HNF4A: variants seen among roughly 807,000 people sequenced by gnomAD.
HNF4A encodes hepatocyte nuclear factor 4-alpha.
A neutral mutation model predicts 52.4 loss-of-function variants in HNF4A; 15 were observed. The observed-to-expected ratio is 0.29, with a 90% CI of 0.19 to 0.44. The LOEUF (loss-of-function observed/expected upper bound fraction) is 0.44. HNF4A is among the 20% of genes least tolerant of loss of function. The probability of loss-of-function intolerance (pLI) is 1.00; values close to 1 mark genes in which losing one functional copy is unlikely to be tolerated. For synonymous variants in HNF4A, 280 were observed against 264.4 expected, an observed-to-expected ratio of 1.06 and a Z score of -0.57; for missense variants, 479 against 647.2, an observed-to-expected ratio of 0.74 and a Z score of 2.82.
At chr20:44,376,350 A>G (rs896882599) in intron 1 of HNF4A, among the ~76,000 whole-genome samples, 8 of 152,212 alleles carry the variant, frequency 5.3e-5, no homozygotes, top group Non-Finnish European at 1.0e-4. Flanking sequence ...TGCAAATTGT[A>G]TGATTTTTAA....
Position 44,405,828 on chromosome 20 carries a change from A to G in HNF4A, c.116-230A>G, listed in dbSNP as rs2868095. Among the ~76,000 whole-genome samples the G allele has an allele frequency of 0.69, 104,228 of 152,076 alleles. 37,227 individuals carry two copies. The highest frequency in any genetic ancestry group is 0.97 in the East Asian group (5,021 of 5,172). ...TGGGGCTCGTGGCCTCCACCACAGG[A>G]AGACGCAGACCCTCAGAAACAAGTC... is the stretch of plus-strand genomic sequence containing the variant. On this transcript the variant is annotated intron_variant, in intron 1 of 9. Coordinates refer to ENST00000316099, the MANE Select transcript of HNF4A (RefSeq NM_000457.6).
chr20:44,400,423 C>A (rs954325237), upstream of HNF4A, among the ~76,000 whole-genome samples: 3 of 152,094 alleles, frequency 2.0e-5, no homozygotes, highest in Admixed American at 1.3e-4. Context: ...CTCAAACCAC[C>A]CTTTGAAGTT....
chr20:44,362,352 G>A (rs2062926032), intron 1 of HNF4A, among the ~76,000 whole-genome samples: 2 of 150,820 alleles, frequency 1.3e-5, no homozygotes, highest in East Asian at 3.9e-4. Context: ...CGCAGGTGGT[G>A]GAGGTTGCAG....
rs1227407354 is a variant in HNF4A, at chr20:44,388,381, A to ACCC, written c.50-17674_50-17672dup. On this transcript the variant is annotated intron_variant, in intron 1 of 9. Coordinates refer to the HNF4A transcript ENST00000316673. ...GGAACCTTCCTCAAAGACCCCCCCC[A>ACCC]CCCCCGTACATTGGAACAAGGTGCT... 5.2e-5 allele frequency among the ~76,000 whole-genome samples: 4 copies of ACCC among 76,230 alleles called. No individual in the cohort carries two copies. The East Asian group carries it at 2.1e-3, about 40-fold the overall frequency. The allele number at this position is 76,230 out of a possible 152,430, so 50.0% of individuals were successfully genotyped here.
chr20:44,417,539 G>A (rs558541679), intron 5 of HNF4A, among the ~76,000 whole-genome samples: 55 of 152,060 alleles, frequency 3.6e-4, no homozygotes, highest in Non-Finnish European at 7.1e-4. Flanking sequence ...CTGCAATGTC[G>A]ATCCCTGGAG....
In HNF4A at chr20:44,406,498, C is replaced by T. The variant is rs3212183; in HGVS notation, c.290+266C>T. 0.59 allele frequency among the ~76,000 whole-genome samples: 89,888 copies of T among 152,130 alleles called. 26,896 individuals are homozygous for T. The highest frequency in any genetic ancestry group is 0.93 in the East Asian group (4,814 of 5,174). On this transcript the variant is annotated intron_variant, in intron 2 of 9. Coordinates refer to ENST00000316099, the MANE Select transcript of HNF4A (RefSeq NM_000457.6). ...ATACTAAGTCTTTGTGTGTATTTAC[C>T]CATCCCCTTGAGCCCATTGTTGTTT...
At chr20:44,387,512 A>G (rs1418820738) in intron 1 of HNF4A, among the ~76,000 whole-genome samples, 3 of 151,258 alleles carry the variant, frequency 2.0e-5, no homozygotes, top group Non-Finnish European at 4.4e-5. Context: ...TTTTGTTATA[A>G]ATGCATAGGA....
intron 1 of HNF4A, among the ~76,000 whole-genome samples, chr20:44,361,935 G>A (rs2062921745): frequency 1.3e-5 from 2 of 152,218 alleles, no homozygotes; most frequent in East Asian, 1.9e-4. Context: ...GGAGTCAGCC[G>A]GGAGAAGAGA....
At chr20:44,411,372 T>G (rs1366387848) in intron 3 of HNF4A, among the ~76,000 whole-genome samples, 1 of 152,166 alleles carries the variant, frequency 6.6e-6, no homozygotes, top group Non-Finnish European at 1.5e-5. Flanking sequence ...AAAACATCAT[T>G]CCGTGACTGA....
chr20:44,418,083 T>C (rs1367116109), intron 5 of HNF4A, among the ~76,000 whole-genome samples: 1 of 151,768 alleles, frequency 6.6e-6, no homozygotes, highest in Admixed American at 6.6e-5. Flanking sequence ...TTTGGGATCA[T>C]AGACCTTTTT....
intron 1 of HNF4A, among the ~76,000 whole-genome samples, chr20:44,385,932 T>C (rs1206535633): frequency 6.6e-6 from 1 of 151,964 alleles, no homozygotes; most frequent in East Asian, 1.9e-4. Context: ...CGATCTTCAC[T>C]CACTGGAACC....
intron 3 of HNF4A, among the ~76,000 whole-genome samples, chr20:44,411,583 C>T (rs1161760433): frequency 6.6e-6 from 1 of 152,184 alleles, no homozygotes; most frequent in Non-Finnish European, 1.5e-5. Context: ...TGAGCTGGCC[C>T]CGTCCACATG....
At chr20:44,366,075 C>T (rs1164162191) in intron 1 of HNF4A, among the ~76,000 whole-genome samples, 1 of 152,022 alleles carries the variant, frequency 6.6e-6, no homozygotes, top group African/African-American at 2.4e-5. Flanking sequence ...TGAAGTATAA[C>T]ATTCAAAACA....
intron 1 of HNF4A, among the ~76,000 whole-genome samples, chr20:44,403,547 G>C (rs1268107820): frequency 6.6e-6 from 1 of 152,166 alleles, no homozygotes; most frequent in Non-Finnish European, 1.5e-5. Flanking sequence ...GTTGTCCTCT[G>C]AAGTGTTTTG....
chr20:44,419,964 C>A, intron 7 of HNF4A, 88 bp downstream of exon 7: 2 of 1,320,920 alleles, frequency 1.5e-6, no homozygotes, highest in South Asian at 1.2e-5. Context: ...ACACTGAGTT[C>A]ACAGCCTCAT....
At chr20:44,390,664 C>T (rs1411667013) in intron 1 of HNF4A, 3 of 702,478 alleles carry the variant, frequency 4.3e-6, no homozygotes, top group Non-Finnish European at 7.8e-6. Flanking sequence ...CCAGGGCTTC[C>T]CCCAGGACCC....
intron 1 of HNF4A, among the ~76,000 whole-genome samples, chr20:44,364,204 A>G (rs2062947351): frequency 6.6e-6 from 1 of 151,558 alleles, no homozygotes; most frequent in Admixed American, 6.6e-5. Flanking sequence ...ACTTTTGTAT[A>G]TTTCTTTTTA....
intron 3 of HNF4A, 145 bp downstream of exon 3, chr20:44,407,620 T>G (rs1223116288): frequency 7.0e-6 from 5 of 713,724 alleles, no homozygotes. Context: ...AGGGAGGGCC[T>G]GGAAATCTGA....
At chr20:44,363,020 A>T (rs1466133017) in intron 1 of HNF4A, among the ~76,000 whole-genome samples, 1 of 150,864 alleles carries the variant, frequency 6.6e-6, no homozygotes, top group East Asian at 2.0e-4. Context: ...TGCCTGGCTA[A>T]TTTTTTTTTA....
Sources: gnomAD v4.1 joint callset for allele counts (sites outside exome capture counted in the v4.1 genomes callset) on GRCh38, gnomAD v4.1.1 for gene constraint, MANE v1.5 for transcripts, NCBI Gene and HGNC (gene_info 2026-07-23, HGNC 2026-07-21) for gene names.